Variants in TMCO4 observed in about 807,000 individuals in gnomAD.
TMCO4 encodes the protein transmembrane and coiled-coil domain-containing protein 4.
Under a neutral mutation model 64.7 loss-of-function variants are expected in TMCO4, and 58 were observed. The observed-to-expected ratio is 0.90, with a 90% CI of 0.73 to 1.12. TMCO4 has a LOEUF of 1.12. Among genes scored for constraint, TMCO4 ranks in the 50% most tolerant of loss-of-function variants. The pLI is 0.00. For synonymous variants in TMCO4, 325 were observed against 346.1 expected (o/e 0.94, Z 0.68); for missense variants, 780 against 825.9 (o/e 0.94, Z 0.68).
intron 2 of TMCO4, among the ~76,000 whole-genome samples, chr1:19,793,152 T>C (rs1039172550): frequency 6.6e-6 from 1 of 152,074 alleles, no homozygotes; most frequent in African/African-American, 2.4e-5. Context: ...GCTCCAGCCA[T>C]ACCCTCCTCC....
intron 13 of TMCO4, among the ~76,000 whole-genome samples, chr1:19,705,507 C>T (rs1007898283): frequency 5.4e-5 from 8 of 149,352 alleles, no homozygotes; most frequent in African/African-American, 2.0e-4. Context: ...ACACAATAGT[C>T]GATGAGATAA....
intron 4 of TMCO4, among the ~76,000 whole-genome samples, chr1:19,777,346 C>A (rs548033709): frequency 4.0e-4 from 54 of 135,112 alleles, no homozygotes; most frequent in Middle Eastern, 3.8e-3. Context: ...AACCCAAAGG[C>A]CTTTTTTTTT....
chr1:19,772,282 G>T (rs1268744265), intron 4 of TMCO4, among the ~76,000 whole-genome samples: 1 of 152,174 alleles, frequency 6.6e-6, no homozygotes, highest in Non-Finnish European at 1.5e-5. Context: ...AAGGCCATCT[G>T]CTCTCCTGGA....
intron 3 of TMCO4, among the ~76,000 whole-genome samples, chr1:19,786,410 C>T (rs72658539): frequency 0.03 from 4,547 of 152,248 alleles, 100 homozygotes; most frequent in Non-Finnish European, 0.044. Context: ...GGTAAAGCTG[C>T]GACCTGAACA....
intron 13 of TMCO4, among the ~76,000 whole-genome samples, chr1:19,713,756 G>A (rs1443093599): frequency 6.6e-6 from 1 of 152,070 alleles, no homozygotes; most frequent in East Asian, 1.9e-4. Flanking sequence ...CATGCTCCTT[G>A]AAGCGCAGAG....
Position 19,698,954 on chromosome 1 carries a change from T to C in TMCO4, c.1382+1814A>G, listed in dbSNP as rs569126453. 4.6e-5 allele frequency among the ~76,000 whole-genome samples: 7 copies of C among 152,310 alleles called. No individual in the cohort carries two copies. The South Asian group carries it at 1.2e-3, about 27-fold the overall frequency. ...GCTCACGCCTGTAATCCCAGCACTT[T>C]GGGAGGCTGAGACGGGTGGATCACG... On this transcript the variant is annotated intron_variant, in intron 14 of 15. Transcript: ENST00000294543.
At chr1:19,780,863 G>A in intron 3 of TMCO4, 97 bp from the exon 4 acceptor site, 1 of 1,038,392 alleles carries the variant, frequency 9.6e-7, no homozygotes, top group Non-Finnish European at 1.4e-6. Context: ...GGTTGATAAA[G>A]TAGGCATCAT....
intron 13 of TMCO4, among the ~76,000 whole-genome samples, chr1:19,709,316 C>A (rs1026472197): frequency 1.3e-5 from 2 of 151,622 alleles, no homozygotes; most frequent in African/African-American, 2.4e-5. Flanking sequence ...AATTAATCTG[C>A]ACTGCCTGAC....
At chr1:19,784,950 T>G (rs2043662519) in intron 3 of TMCO4, among the ~76,000 whole-genome samples, 1 of 152,144 alleles carries the variant, frequency 6.6e-6, no homozygotes, top group African/African-American at 2.4e-5. Context: ...CTGGGCTATA[T>G]GTGGCCCACA....
In TMCO4 at chr1:19,739,897, G is replaced by A. The variant is rs145902797; in HGVS notation, c.1106C>T (p.Pro369Leu). 9 of 1,614,036 alleles carry A rather than the reference G, an allele frequency of 5.6e-6. No homozygotes were observed. Among genetic ancestry groups the A allele is most frequent in the Non-Finnish European group, 7.6e-6 (9 of 1,179,990 alleles). Reference protein sequence around the residue: ...LLSVANVIDNPWGVCLHRSAE... With the variant: ...LLSVANVIDNLWGVCLHRSAE... ...TGATCGATGGAGACACACCCCCCAGGGGTTGTCGATGACATTGGCGACACT... is the reference window on the plus strand; with the variant it reads ...TGATCGATGGAGACACACCCCCCAGAGGTTGTCGATGACATTGGCGACACT... Residue 369 changes from proline (P) to leucine (L), a missense_variant, in exon 12 of 16, where the codon CCC becomes CTC. Coordinates refer to ENST00000294543, the MANE Select transcript of TMCO4 (RefSeq NM_181719.7).
intron 15 of TMCO4, among the ~76,000 whole-genome samples, chr1:19,692,193 C>A (rs1321595860): frequency 6.6e-6 from 1 of 152,156 alleles, no homozygotes; most frequent in Non-Finnish European, 1.5e-5. Flanking sequence ...TTCTCAGGGT[C>A]CCCTGATTGC....
At chr1:19,759,024 C>T (rs1434808060) in intron 6 of TMCO4, among the ~76,000 whole-genome samples, 1 of 149,540 alleles carries the variant, frequency 6.7e-6, no homozygotes, top group Admixed American at 6.7e-5. Context: ...ATTGCTTGAA[C>T]CTGGGAGGCA....
At chr1:19,733,509 CAAG>C (rs1293852008) in intron 13 of TMCO4, among the ~76,000 whole-genome samples, 2 of 152,120 alleles carry the variant, frequency 1.3e-5, no homozygotes, top group Non-Finnish European at 2.9e-5. Flanking sequence ...GATACAGTGA[CAAG>C]AAGGAGAAAC....
intron 3 of TMCO4, among the ~76,000 whole-genome samples, chr1:19,786,107 G>T (rs1180908980): frequency 6.6e-6 from 1 of 152,142 alleles, no homozygotes; most frequent in African/African-American, 2.4e-5. Flanking sequence ...AATTAGCCAG[G>T]CATGGTGGAG....
At chr1:19,746,350 G>T in intron 9 of TMCO4, 106 bp downstream of exon 9, 1 of 1,502,676 alleles carries the variant, frequency 6.7e-7, no homozygotes, top group Non-Finnish European at 9.0e-7. Flanking sequence ...CGTCTCCTCT[G>T]TCTCCCAGGG....
In TMCO4 at chr1:19,693,164, C is replaced by CAA. The variant is rs57031243; in HGVS notation, c.1500+1268_1500+1269dup. Reference sequence around the variant, plus strand: ...CTCCAGCCTGAGCGAGACCCCATCTCAAAAAAAAAAAAAAAAAAAAAAAAA... The same window carrying CAA: ...CTCCAGCCTGAGCGAGACCCCATCTCAAAAAAAAAAAAAAAAAAAAAAAAAAA... On this transcript the variant is annotated intron_variant, in intron 15 of 15. Coordinates refer to ENST00000294543, the MANE Select transcript of TMCO4 (RefSeq NM_181719.7). 2.7e-3 allele frequency among the ~76,000 whole-genome samples: 54 copies of CAA among 19,982 alleles called. 13 individuals are homozygous for CAA. Among genetic ancestry groups the CAA allele is most frequent in the Non-Finnish European group, 3.8e-3 (34 of 9,054 alleles). 13.1% of individuals were successfully genotyped at this position (19,982 alleles called of 152,430 possible). A position where few individuals can be genotyped will look rare whatever the true frequency, so the allele number is the denominator to read the frequency against.
At chr1:19,713,737 C>CAA (rs5772865) in intron 13 of TMCO4, among the ~76,000 whole-genome samples, 1 of 151,412 alleles carries the variant, frequency 6.6e-6, no homozygotes, top group East Asian at 1.9e-4. Context: ...ACAACAAAAA[C>CAA]AAAAAAAACA....
intron 8 of TMCO4, 28 bp downstream of exon 8, chr1:19,747,135 G>T (rs374295058): frequency 6.2e-7 from 1 of 1,608,270 alleles, no homozygotes; most frequent in East Asian, 2.2e-5. Context: ...AAACCCAGAC[G>T]TGTGCCACCA....
At chr1:19,706,863 G>T (rs1336591373) in intron 13 of TMCO4, among the ~76,000 whole-genome samples, 1 of 152,180 alleles carries the variant, frequency 6.6e-6, no homozygotes, top group Non-Finnish European at 1.5e-5. Context: ...CTCAGTCATA[G>T]GCATGAGATG....
Sources: gnomAD v4.1 joint callset for allele counts (sites outside exome capture counted in the v4.1 genomes callset) on GRCh38, gnomAD v4.1.1 for gene constraint, MANE v1.5 for transcripts, NCBI Gene and HGNC (gene_info 2026-07-23, HGNC 2026-07-21) for gene names.